The following MAEA variants were observed in gnomAD, a reference collection of about 807,000 sequenced individuals.
The protein encoded by MAEA is macrophage erythroblast attacher, E3 ubiquitin ligase, also known as E3 ubiquitin-protein transferase MAEA.
MAEA carries 22 observed loss-of-function variants against 46.2 expected under a neutral mutation model. The observed-to-expected ratio is 0.48, with a 90% confidence interval of 0.34 to 0.68. The LOEUF is 0.68. MAEA is among the 30% of genes least tolerant of loss of function. The pLI, the probability that MAEA is intolerant of heterozygous loss-of-function variation, is 0.01. For synonymous variants in MAEA, 246 were observed against 222.6 expected (o/e 1.11, Z -0.94); for missense variants, 393 against 558.1 (o/e 0.70, Z 2.98).
intron 5 of MAEA, chr4:1,328,647 C>T (rs755284967): frequency 1.6e-5 from 21 of 1,274,162 alleles, no homozygotes; most frequent in Middle Eastern, 4.3e-4. Context: ...GCCGGGTGGC[C>T]GAGTGTTCCA....
intron 1 of MAEA, among the ~76,000 whole-genome samples, chr4:1,309,168 A>C (rs2108897399): frequency 6.6e-6 from 1 of 152,270 alleles, no homozygotes; most frequent in Middle Eastern, 3.4e-3. Flanking sequence ...ATTTCTGAGT[A>C]GTTTTTCTGC....
intron 3 of MAEA, among the ~76,000 whole-genome samples, chr4:1,317,686 C>T (rs1389107659): frequency 6.6e-6 from 1 of 152,208 alleles, no homozygotes; most frequent in Non-Finnish European, 1.5e-5. Flanking sequence ...GCTCTCGGCA[C>T]CGCTGGGGTA....
chr4:1,317,298 C>A (rs1184412650), intron 3 of MAEA, among the ~76,000 whole-genome samples: 1 of 132,420 alleles, frequency 7.6e-6, no homozygotes, highest in Non-Finnish European at 1.6e-5. Flanking sequence ...CAGGCCCACC[C>A]GGCCCCACAC....
At chr4:1,332,995 C>A (rs1294694880) in intron 6 of MAEA, 130 bp downstream of exon 6, 3 of 599,062 alleles carry the variant, frequency 5.0e-6, no homozygotes, top group Non-Finnish European at 8.7e-6. Flanking sequence ...CCTGTCCAGC[C>A]TGCCAAGACA....
At chr4:1,305,776 T>C (rs543543169) in intron 1 of MAEA, among the ~76,000 whole-genome samples, 8 of 68,792 alleles carry the variant, frequency 1.2e-4, no homozygotes, top group South Asian at 4.9e-4. Flanking sequence ...CGCGTGCGTG[T>C]AAGGAGCTGT....
intron 1 of MAEA, among the ~76,000 whole-genome samples, chr4:1,295,132 C>T (rs543332375): frequency 2.6e-5 from 4 of 152,082 alleles, no homozygotes; most frequent in South Asian, 2.1e-4. Flanking sequence ...CAAGGCCGGC[C>T]GGTGCCTGTA....
At chr4:1,323,573 C>T in intron 4 of MAEA, 1 of 702,528 alleles carries the variant, frequency 1.4e-6, no homozygotes. Flanking sequence ...GAGTTTGGAC[C>T]TTGGTATGGA....
intron 1 of MAEA, 150 bp downstream of exon 1, chr4:1,290,132 C>T (rs1461260460): frequency 6.3e-6 from 2 of 315,366 alleles, no homozygotes; most frequent in South Asian, 1.3e-4. Flanking sequence ...CTCAGGGGCG[C>T]CCGGTCCGCG....
chr4:1,306,611 C>A (rs1735860113), intron 1 of MAEA, among the ~76,000 whole-genome samples: 1 of 152,216 alleles, frequency 6.6e-6, no homozygotes, highest in Non-Finnish European at 1.5e-5. Flanking sequence ...CCTTTGTCAG[C>A]TGTGCTGTGA....
rs1577250499 is a variant in MAEA at position 1,338,086 on chromosome 4, C to T, written c.900-336C>T. ...TTGCCCACTGCCTGTTCCTAGGTGC[C>T]AGCAGAACGTCCCTGCTGGGTGGCT... On this transcript the variant is annotated intron_variant, in intron 7 of 8. Coordinates refer to ENST00000303400, the MANE Select transcript of MAEA (RefSeq NM_001017405.3). 4 of 276,568 alleles carry T rather than the reference C, an allele frequency of 1.4e-5. No homozygotes were observed. The East Asian group carries it at 2.9e-4, about 20-fold the overall frequency. The allele number at this position is 276,568 out of a possible 1,614,324, so 17.1% of individuals were successfully genotyped here.
intron 4 of MAEA, among the ~76,000 whole-genome samples, chr4:1,326,594 G>A (rs1267644006): frequency 6.6e-6 from 1 of 152,162 alleles, no homozygotes; most frequent in Non-Finnish European, 1.5e-5. Flanking sequence ...GCAGACACAT[G>A]TGGGACTTGG....
chr4:1,325,412 A>C (rs1738677864), intron 4 of MAEA, among the ~76,000 whole-genome samples: 1 of 116,992 alleles, frequency 8.5e-6, no homozygotes, highest in Non-Finnish European at 1.9e-5. Context: ...TCGGTGTTTT[A>C]GATTTGGGTC....
rs189852642 is a variant in MAEA at position 1,324,142 on chromosome 4, G to A, written c.579+1639G>A. On this transcript the variant is annotated intron_variant, in intron 4 of 8. Coordinates refer to ENST00000303400, the MANE Select transcript of MAEA (RefSeq NM_001017405.3). ...TGGATGAAGTTGAGATTGGATGCCT[G>A]GTGGATGAGTATGTCTGGTGTTGGA... Among the ~76,000 whole-genome samples, 371 of 151,284 alleles carry A rather than the reference G, an allele frequency of 2.5e-3. 2 individuals are homozygous for A. The highest frequency in any genetic ancestry group is 8.8e-3 in the African/African-American group (361 of 41,180).
Position 1,337,378 on chromosome 4 carries a change from A to G in MAEA, c.899+384A>G, listed in dbSNP as rs28531725. Reference sequence around the variant, plus strand: ...TCCCGCCTGTGACTGACTCTGTCCCACCTGTGACCGACTCTGTCTGCCTGT... The same window carrying G: ...TCCCGCCTGTGACTGACTCTGTCCCGCCTGTGACCGACTCTGTCTGCCTGT... On this transcript the variant is annotated intron_variant, in intron 7 of 8. Transcript: ENST00000303400. 1.2e-4 allele frequency: 20 copies of G among 161,490 alleles called. No individual in the cohort carries two copies. The East Asian group carries it at 1.4e-3, about 11-fold the overall frequency. The allele number at this position is 161,490 out of a possible 1,614,324, so 10.0% of individuals were successfully genotyped here. A position where few individuals can be genotyped will look rare whatever the true frequency, so the allele number is the denominator to read the frequency against.
intron 1 of MAEA, among the ~76,000 whole-genome samples, chr4:1,300,249 A>G (rs1226832425): frequency 6.6e-6 from 1 of 152,216 alleles, no homozygotes; most frequent in Non-Finnish European, 1.5e-5. Flanking sequence ...GATTGGCACT[A>G]GCAGAGGATG....
At chr4:1,329,312 G>A (rs1248716000) in intron 5 of MAEA, 3 of 985,330 alleles carry the variant, frequency 3.0e-6, no homozygotes, top group Non-Finnish European at 3.6e-6. Flanking sequence ...TGTTCCCCCC[G>A]CTCCGTGTAG....
intron 1 of MAEA, among the ~76,000 whole-genome samples, chr4:1,290,258 G>C (rs1733966851): frequency 6.6e-6 from 1 of 152,140 alleles, no homozygotes; most frequent in Non-Finnish European, 1.5e-5. Context: ...CGCTAAGGGT[G>C]GCGAATTTGG....
chr4:1,325,573 T>G (rs1323510698), intron 4 of MAEA, among the ~76,000 whole-genome samples: 1 of 152,184 alleles, frequency 6.6e-6, no homozygotes, highest in East Asian at 1.9e-4. Context: ...GTCCTGCTCT[T>G]CTAGAGCACC....
chr4:1,315,675 C>A (rs773123168), intron 3 of MAEA, 75 bp downstream of exon 3: 26 of 1,423,962 alleles, frequency 1.8e-5, no homozygotes, highest in Non-Finnish European at 2.3e-5. Context: ...GTGGCATGTC[C>A]CCCGGCATGC....
Sources: allele counts gnomAD v4.1 joint callset (sites outside exome capture counted in the v4.1 genomes callset), GRCh38; gene constraint gnomAD v4.1.1; transcripts MANE v1.5; gene names NCBI Gene and HGNC (gene_info 2026-07-23, HGNC 2026-07-21).